The following MECOM variants were observed in gnomAD, a reference collection of about 807,000 sequenced individuals.
MECOM encodes MDS1 and EVI1 complex locus, also known as histone-lysine N-methyltransferase MECOM.
MECOM carries 13 observed loss-of-function variants against 116.3 expected under a neutral mutation model. That is an observed-to-expected ratio of 0.11 (90% CI 0.07 to 0.18). The LOEUF (loss-of-function observed/expected upper bound fraction) is 0.18. Ranked by LOEUF, MECOM falls within the 10% of genes least tolerant of loss-of-function variation. The pLI is 1.00. For missense variants in MECOM, 1,299 were observed against 1,509.0 expected (o/e 0.86, Z 2.31); for synonymous variants, 528 against 535.2 (o/e 0.99, Z 0.19).
intron 2 of MECOM, among the ~76,000 whole-genome samples, chr3:169,155,968 C>T (rs763912907): frequency 6.6e-6 from 1 of 152,170 alleles, no homozygotes; most frequent in Non-Finnish European, 1.5e-5. Context: ...ATATTAAAAG[C>T]ATTCACTAAT....
intron 1 of MECOM, among the ~76,000 whole-genome samples, chr3:169,658,611 C>T (rs1015963282): frequency 2.6e-5 from 4 of 152,264 alleles, no homozygotes; most frequent in South Asian, 4.1e-4. Flanking sequence ...GCCTGAGGAG[C>T]GAGGTGTAGG....
At chr3:169,135,177 T>G (rs1338226103) in intron 3 of MECOM, among the ~76,000 whole-genome samples, 1 of 152,042 alleles carries the variant, frequency 6.6e-6, no homozygotes, top group South Asian at 2.1e-4. Flanking sequence ...CTCATTTTTG[T>G]GTTGGAGAAA....
intron 2 of MECOM, among the ~76,000 whole-genome samples, chr3:169,191,726 AAGAAAGAAAGAAAGAG>A (rs1559973403): frequency 3.6e-5 from 2 of 55,728 alleles, no homozygotes; most frequent in African/African-American, 1.1e-4. Context: ...GAAAAAAAGA[AAGAAAGAAAGAAAGAG>A]AAAGAAAGAA....
intron 1 of MECOM, among the ~76,000 whole-genome samples, chr3:169,587,787 T>C (rs947661309): frequency 6.6e-6 from 1 of 151,786 alleles, no homozygotes; most frequent in Non-Finnish European, 1.5e-5. Context: ...GAACAAAGAG[T>C]TTCCAGTTGC....
Position 169,231,574 on chromosome 3 carries a change from G to C in MECOM, c.376-87742C>G, listed in dbSNP as rs572693717. On this transcript the variant is annotated intron_variant, in intron 2 of 16. Transcript: ENST00000651503. ...TAGTCAGAGAAAACAGCTGTAGTCA[G>C]AGAAGTCCCTACTGAGGAAATGATA... is the stretch of plus-strand genomic sequence containing the variant. Among the ~76,000 whole-genome samples the C allele has an allele frequency of 2.6e-5, 4 of 152,164 alleles. No homozygotes were observed. The East Asian group carries it at 7.7e-4, about 29-fold the overall frequency.
At chr3:169,430,907 T>G (rs1325651990) in intron 1 of MECOM, among the ~76,000 whole-genome samples, 1 of 152,196 alleles carries the variant, frequency 6.6e-6, no homozygotes, top group Non-Finnish European at 1.5e-5. Flanking sequence ...CAAGGCCTAT[T>G]TAGACATCCA....
intron 1 of MECOM, among the ~76,000 whole-genome samples, chr3:169,506,623 G>GT (rs1039217938): frequency 6.6e-5 from 10 of 151,992 alleles, no homozygotes; most frequent in African/African-American, 1.5e-4. Flanking sequence ...GTTTTGTTTT[G>GT]TTTTTTTCTT....
intron 2 of MECOM, among the ~76,000 whole-genome samples, chr3:169,151,522 G>A (rs1341658196): frequency 6.6e-6 from 1 of 152,122 alleles, no homozygotes; most frequent in Non-Finnish European, 1.5e-5. Flanking sequence ...AGCTTTTCAA[G>A]AACGTACATG....
intron 1 of MECOM, among the ~76,000 whole-genome samples, chr3:169,493,165 C>T (rs746434982): frequency 6.6e-6 from 1 of 152,112 alleles, no homozygotes; most frequent in Non-Finnish European, 1.5e-5. Flanking sequence ...TCCATTTATT[C>T]GTTCAAAAAG....
chr3:169,166,389 A>G (rs758227087), intron 2 of MECOM, among the ~76,000 whole-genome samples: 1 of 152,142 alleles, frequency 6.6e-6, no homozygotes, highest in Non-Finnish European at 1.5e-5. Context: ...CTAAATTTTT[A>G]TCACTCTTTT....
At position 169,286,340 on chromosome 3, in the gene MECOM, A is replaced by G. The variant is rs1205510173; in HGVS notation, c.375+94847T>C. Among the ~76,000 whole-genome samples the G allele has an allele frequency of 2.0e-5, 3 of 152,158 alleles. No homozygotes were observed. The East Asian group carries it at 5.8e-4, about 29-fold the overall frequency. On this transcript the variant is annotated intron_variant, in intron 2 of 16. Transcript: ENST00000651503. The stretch of plus-strand genomic sequence containing the variant: ...TCTGCTACCTGGGTGATTCATACCC[A>G]AGTTGTTGACCAAGCCCTGTTGTCT...
At position 169,115,719 on chromosome 3, in the gene MECOM, A is replaced by G. The variant is rs766611614; in HGVS notation, c.2153T>C (p.Leu718Ser). The change falls in exon 8 of 17, where the codon TTA becomes TCA. Residue 718 changes from leucine to serine, a missense_variant. By Grantham distance (145) the Leu-to-Ser change is moderately radical (BLOSUM62 -2). Coordinates refer to ENST00000651503, the MANE Select transcript of MECOM (RefSeq NM_004991.4). ...TGATTGGGGTTCCATTTTCAAAGGTAACGATCTCAAGTCTCTATCAGGAAA... is the reference window on the plus strand; with the variant it reads ...TGATTGGGGTTCCATTTTCAAAGGTGACGATCTCAAGTCTCTATCAGGAAA... The part of the protein sequence containing the change: ...YPFPDRDLRS[L>S]PLKMEPQSPG... 3 of 1,614,212 alleles carry G rather than the reference A, an allele frequency of 1.9e-6. No individual in the cohort carries two copies. In the East Asian group the frequency reaches 6.7e-5, roughly 36 times the overall value.
chr3:169,338,556 T>C (rs1367637625), intron 2 of MECOM, among the ~76,000 whole-genome samples: 1 of 151,910 alleles, frequency 6.6e-6, no homozygotes, highest in Non-Finnish European at 1.5e-5. Flanking sequence ...TAGATAACAC[T>C]TTTTTCTGAA....
intron 2 of MECOM, among the ~76,000 whole-genome samples, chr3:169,377,163 A>G (rs1285533799): frequency 6.6e-6 from 1 of 152,218 alleles, no homozygotes; most frequent in Non-Finnish European, 1.5e-5. Flanking sequence ...CTTATACCCT[A>G]TACAAAAATT....
intron 2 of MECOM, among the ~76,000 whole-genome samples, chr3:169,226,569 G>A (rs1269324601): frequency 6.6e-6 from 1 of 152,160 alleles, no homozygotes; most frequent in African/African-American, 2.4e-5. Context: ...TTTTATTTAT[G>A]AGAAAATCAA....
intron 1 of MECOM, among the ~76,000 whole-genome samples, chr3:169,645,574 T>C (rs1280082287): frequency 6.6e-6 from 1 of 152,208 alleles, no homozygotes; most frequent in East Asian, 1.9e-4. Flanking sequence ...TTCTGGATTC[T>C]CCACAAACAT....
intron 1 of MECOM, among the ~76,000 whole-genome samples, chr3:169,649,165 C>T (rs916323430): frequency 6.6e-6 from 1 of 152,080 alleles, no homozygotes; most frequent in African/African-American, 2.4e-5. Flanking sequence ...GGCAGACTTT[C>T]CAGGAAAACA....
intron 1 of MECOM, among the ~76,000 whole-genome samples, chr3:169,502,607 A>G (rs182838750): frequency 4.3e-4 from 65 of 152,292 alleles, no homozygotes; most frequent in African/African-American, 1.5e-3. Flanking sequence ...TGGTAATCTC[A>G]TGACTTCTAA....
chr3:169,195,201 T>C (rs764603530), intron 2 of MECOM, among the ~76,000 whole-genome samples: 2 of 152,076 alleles, frequency 1.3e-5, no homozygotes, highest in Non-Finnish European at 2.9e-5. Flanking sequence ...GCATTGTCAA[T>C]GTTCCATTAT....
Sources: allele counts gnomAD v4.1 joint callset (sites outside exome capture counted in the v4.1 genomes callset), GRCh38; gene constraint gnomAD v4.1.1; transcripts MANE v1.5; gene names NCBI Gene and HGNC (gene_info 2026-07-23, HGNC 2026-07-21).